The following PUDP variants were observed in gnomAD, a reference collection of about 807,000 sequenced individuals.
The protein encoded by PUDP is pseudouridine 5'-phosphatase, also known as pseudouridine-5'-phosphatase.
PUDP carries 8 observed loss-of-function variants against 9.4 expected under a neutral mutation model. The observed-to-expected ratio is 0.85, with a 90% CI of 0.50 to 1.53. PUDP has a LOEUF of 1.53. PUDP is among the 40% of genes most tolerant of loss of function. PUDP has a pLI of 0.00. For missense variants in PUDP, 188 were observed against 189.7 expected (o/e 0.99, Z 0.05); for synonymous variants, 99 against 80.7 (o/e 1.23, Z -1.22).
intron 3 of PUDP, among the ~76,000 whole-genome samples, chrX:6,756,672 A>G (rs1349422201): frequency 8.9e-6 from 1 of 112,685 alleles, no homozygotes; most frequent in Non-Finnish European, 1.9e-5. Flanking sequence ...TCATAGCAGT[A>G]GCTAGATGAA....
At chrX:6,933,094 G>A (rs933644171) in intron 3 of PUDP, among the ~76,000 whole-genome samples, 1 of 110,535 alleles carries the variant, frequency 9.0e-6, no homozygotes, top group Admixed American at 9.8e-5. Context: ...AAATGTCCCT[G>A]TCTGGCAGCT....
rs868843769 is a variant in PUDP, at chrX:6,860,468, G to T, written c.*247+116665C>A. On this transcript the variant is annotated intron_variant and NMD_transcript_variant, in intron 3 of 3. Coordinates refer to the PUDP transcript ENST00000655425. ...CATGTTTTTCTGTGTGTGGTTTTTT[G>T]TTTTTTGTTTTTTGTTTTTTGAGAC... Among the ~76,000 whole-genome samples the T allele has an allele frequency of 1.2e-4, 12 of 100,438 alleles. No homozygotes were observed. In the South Asian group the frequency reaches 3.6e-3, roughly 30 times the overall value. 87.2% of individuals were successfully genotyped at this position (100,438 alleles called of 115,157 possible). A position where few individuals can be genotyped will look rare whatever the true frequency, so the allele number is the denominator to read the frequency against.
chrX:6,980,107 T>G (rs1022136760), intron 1 of PUDP, among the ~76,000 whole-genome samples: 12 of 106,837 alleles, frequency 1.1e-4, no homozygotes, highest in Non-Finnish European at 2.3e-4. Flanking sequence ...CTTTCCTTCC[T>G]TCCTTCCTTC....
intron 1 of PUDP, among the ~76,000 whole-genome samples, chrX:6,713,688 G>C (rs940035332): frequency 9.0e-6 from 1 of 111,200 alleles, no homozygotes; most frequent in African/African-American, 3.3e-5. Context: ...GCATTTTTCT[G>C]TTGGGATATA....
At chrX:6,922,354 C>T (rs139600474) in intron 3 of PUDP, among the ~76,000 whole-genome samples, 2,371 of 111,637 alleles carry the variant, frequency 0.021, 28 homozygotes, top group Middle Eastern at 0.056. Context: ...TGTATAAAAA[C>T]ATCTCATGTA....
chrX:6,781,584 T>C (rs1925563566), intron 3 of PUDP, among the ~76,000 whole-genome samples: 1 of 112,209 alleles, frequency 8.9e-6, no homozygotes, highest in South Asian at 3.7e-4. Flanking sequence ...CTGATTTGGC[T>C]TTTGATTCTG....
Position 7,049,237 on chromosome X carries a change from C to T in PUDP, c.*1059G>A, listed in dbSNP as rs970469661. On this transcript the variant is annotated 3_prime_UTR_variant, in exon 4 of 4. Coordinates refer to ENST00000381077, the MANE Select transcript of PUDP (RefSeq NM_012080.5). ...CAATGAAGCAGTGCTCCTTCACTCC[C>T]GATTTCCATGGCTACCACCGTTTTT... 2 of 111,808 alleles carry T rather than the reference C, an allele frequency of 1.8e-5. No individual in the cohort carries two copies. The highest frequency in any genetic ancestry group is 3.8e-5 in the Non-Finnish European group (2 of 53,147). 9.2% of individuals were successfully genotyped at this position (111,808 alleles called of 1,213,427 possible).
chrX:7,104,010 T>G (rs945244663), intron 2 of PUDP, among the ~76,000 whole-genome samples: 3 of 112,076 alleles, frequency 2.7e-5, no homozygotes, highest in African/African-American at 9.7e-5. Context: ...AAATTAATAA[T>G]AAAATTACCA....
chrX:6,943,173 G>A (rs1424241877), intron 3 of PUDP, among the ~76,000 whole-genome samples: 1 of 111,655 alleles, frequency 9.0e-6, no homozygotes, highest in African/African-American at 3.3e-5. Context: ...CTTAACATAA[G>A]CAGGACACCA....
intron 3 of PUDP, among the ~76,000 whole-genome samples, chrX:6,778,254 G>A (rs940994757): frequency 2.7e-5 from 3 of 111,926 alleles, no homozygotes; most frequent in Non-Finnish European, 3.8e-5. Flanking sequence ...CTTGCTAAGC[G>A]GGCAGTCCCG....
intron 3 of PUDP, among the ~76,000 whole-genome samples, chrX:6,942,674 T>C (rs1378879275): frequency 1.8e-5 from 2 of 112,421 alleles, no homozygotes; most frequent in Non-Finnish European, 3.8e-5. Flanking sequence ...GCAGATCTCA[T>C]GAGTCAAGGA....
intron 3 of PUDP, among the ~76,000 whole-genome samples, chrX:6,861,651 G>A (rs1927003732): frequency 9.0e-6 from 1 of 111,562 alleles, no homozygotes; most frequent in Non-Finnish European, 1.9e-5. Flanking sequence ...TCTCCCACGA[G>A]TCAACCCCGA....
intron 1 of PUDP, among the ~76,000 whole-genome samples, chrX:6,714,498 A>G (rs1245710056): frequency 8.9e-6 from 1 of 111,735 alleles, no homozygotes; most frequent in African/African-American, 3.3e-5. Context: ...TGATGTATAG[A>G]TAGATATGAT....
chrX:6,721,343 T>G (rs1448905636), intron 1 of PUDP: 1 of 112,278 alleles, frequency 8.9e-6, no homozygotes, highest in East Asian at 2.8e-4. Context: ...GAAGGTGTTA[T>G]GACTGATAGA....
At chrX:7,067,324 G>A (rs1038923204) in intron 3 of PUDP, among the ~76,000 whole-genome samples, 4 of 111,626 alleles carry the variant, frequency 3.6e-5, no homozygotes, top group Admixed American at 1.9e-4. Flanking sequence ...AACCTGTGTC[G>A]AGGTCTCTGC....
In PUDP at chrX:6,837,473, C is replaced by G. The variant is rs765137377; in HGVS notation, c.*248-131007G>C. 1.6e-4 allele frequency among the ~76,000 whole-genome samples: 18 copies of G among 112,844 alleles called. No homozygotes were observed. In the Admixed American group the frequency reaches 1.7e-3, roughly 11 times the overall value. On this transcript the variant is annotated intron_variant and NMD_transcript_variant, in intron 3 of 3. Transcript: ENST00000655425. Reference sequence around the variant, plus strand: ...TGGGAAATCTCAGAGAATGGCCTACCGTTAGCAAATTGTGCTCATCAGCAT... The same window carrying G: ...TGGGAAATCTCAGAGAATGGCCTACGGTTAGCAAATTGTGCTCATCAGCAT...
chrX:7,037,850 T>A (rs895009592), intron 1 of PUDP, among the ~76,000 whole-genome samples: 1 of 111,456 alleles, frequency 9.0e-6, no homozygotes, highest in Non-Finnish European at 1.9e-5. Flanking sequence ...GAATGTCTAA[T>A]CTACTCAAAT....
At chrX:7,120,423 C>G (rs958299059) in intron 1 of PUDP, among the ~76,000 whole-genome samples, 3 of 110,929 alleles carry the variant, frequency 2.7e-5, no homozygotes, top group Non-Finnish European at 5.7e-5. Flanking sequence ...GCCAATACCC[C>G]ACAGCCTCCA....
intron 3 of PUDP, among the ~76,000 whole-genome samples, chrX:6,752,099 G>A (rs1256504384): frequency 9.0e-6 from 1 of 111,316 alleles, no homozygotes; most frequent in African/African-American, 3.3e-5. Flanking sequence ...GCTACACCCA[G>A]GGGACTATAA....
Sources: allele counts gnomAD v4.1 joint callset (sites outside exome capture counted in the v4.1 genomes callset), GRCh38; gene constraint gnomAD v4.1.1; transcripts MANE v1.5; gene names NCBI Gene and HGNC (gene_info 2026-07-23, HGNC 2026-07-21).